Variants in KRT78 observed in about 807,000 individuals in gnomAD.
KRT78 encodes keratin 78, also known as keratin, type II cytoskeletal 78.
In KRT78, 55 loss-of-function variants were observed where a neutral mutation model predicts 51.4. That is an observed-to-expected ratio of 1.07 (90% CI 0.86 to 1.34). The LOEUF (loss-of-function observed/expected upper bound fraction) is 1.34, where lower values mean the gene tolerates loss of function less well. Among genes scored for constraint, KRT78 ranks in the 40% most tolerant of loss-of-function variants. The pLI is 0.00. For synonymous variants in KRT78, 291 were observed against 264.3 expected (o/e 1.10, Z -0.98); for missense variants, 652 against 649.4 (o/e 1.00, Z -0.04).
rs751419322 is a variant in KRT78, at chr12:52,846,812, C to T, written c.612G>A (p.Glu204=). The T allele has an allele frequency of 2.5e-6, 4 of 1,613,492 alleles. No homozygotes were observed. The South Asian group carries it at 3.3e-5, about 13-fold the overall frequency. Residue 204 remains glutamate (E), a synonymous_variant, in exon 3 of 9, where the codon GAG becomes GAA. Coordinates refer to ENST00000304620, the MANE Select transcript of KRT78 (RefSeq NM_173352.4). Reference sequence around the variant, plus strand: ...TCTCAAGTGTGGCACGCCTGTGGGCCTCCTCCTCATACCTGCCAAATAAGT... The same window carrying T: ...TCTCAAGTGTGGCACGCCTGTGGGCTTCCTCCTCATACCTGCCAAATAAGT... The part of the protein sequence containing the change: ...EEEYKSKYEE[E]AHRRATLEND...
In KRT78 at chr12:52,839,905, T is replaced by C. The variant is rs1397474665; in HGVS notation, c.1127A>G (p.Asp376Gly). The C allele has an allele frequency of 3.8e-5, 61 of 1,613,948 alleles. No homozygotes were observed. The East Asian group carries it at 1.3e-3, about 35-fold the overall frequency. ...CATCCTCAGAGCAGCCTCCAGCTCG[T>C]CCACCTTGGCCTGAGCGTCCTTGAG... ...LALKDAQAKV[D>G]ELEAALRMAK... The change falls in exon 7 of 9, where the codon GAC becomes GGC. Residue 376 changes from aspartate to glycine, a missense_variant. Physicochemically the swap from Asp to Gly is moderately conservative, Grantham distance 94 (BLOSUM62 -1). Transcript: ENST00000304620.
intron 6 of KRT78, among the ~76,000 whole-genome samples, chr12:52,842,080 T>G (rs769007897): frequency 6.6e-6 from 1 of 152,176 alleles, no homozygotes; most frequent in Admixed American, 6.5e-5. Context: ...TGGTGAAACA[T>G]AGTGGCAGCA....
chr12:52,844,658 G>A lies in KRT78; in HGVS notation c.822C>T (p.Arg274=). Residue 274 remains arginine, a synonymous_variant, in exon 5 of 9, where the codon CGC becomes CGT. Coordinates refer to ENST00000304620, the MANE Select transcript of KRT78 (RefSeq NM_173352.4). The part of the protein sequence containing the change: ...TSVVLSMDNN[R]YLDFSSIITE... Reference sequence around the variant, plus strand: ...TGATGATGCTGCTGAAGTCCAGGTAGCGGTTGTTGTCCATGGACAGCACCA... The same window carrying A: ...TGATGATGCTGCTGAAGTCCAGGTAACGGTTGTTGTCCATGGACAGCACCA... The A allele has an allele frequency of 6.2e-7, 1 of 1,614,184 alleles. No individual in the cohort carries two copies. Among genetic ancestry groups the A allele is most frequent in the Non-Finnish European group, 8.5e-7 (1 of 1,180,018 alleles).
rs1347464167 is a variant in KRT78, at chr12:52,848,651, T to C, written c.280A>G (p.Thr94Ala). Residue 94 changes from threonine to alanine, a missense_variant, in exon 1 of 9, where the codon ACC becomes GCC. Transcript: ENST00000304620. ...GGATCGATCTCAATCTTCAGTGGGG[T>C]CAGCAGATTCTGGTTGATGGTCACT... ...QEVTINQNLL[T>A]PLKIEIDPQF... The C allele has an allele frequency of 2.5e-6, 4 of 1,613,564 alleles. No individual in the cohort carries two copies. Among genetic ancestry groups the C allele is most frequent in the Non-Finnish European group, 2.5e-6 (3 of 1,179,904 alleles).
chr12:52,840,129 C>T lies in KRT78; in HGVS notation c.1048-145G>A, dbSNP rs549496657. 1.8e-5 allele frequency: 11 copies of T among 618,922 alleles called. No individual in the cohort carries two copies. In the East Asian group the frequency reaches 3.0e-4, roughly 17 times the overall value. The allele number at this position is 618,922 out of a possible 1,614,324, so 38.3% of individuals were successfully genotyped here. On this transcript the variant is annotated intron_variant, in intron 6 of 8. Transcript: ENST00000304620. The stretch of plus-strand genomic sequence containing the variant: ...TATCCATGGCCGTCTGTACCAACAC[C>T]ACCCCTGCAACAGGCTCCTCTCATT...
rs1370844263 is a variant in KRT78, at chr12:52,838,015, G to T, written c.*1098C>A. Reference sequence around the variant, plus strand: ...CTGGGATTCAAGCCACATCCTCACCGGCTCTGGTCTCCTTCACACAAAGCT... The same window carrying T: ...CTGGGATTCAAGCCACATCCTCACCTGCTCTGGTCTCCTTCACACAAAGCT... On this transcript the variant is annotated 3_prime_UTR_variant, in exon 9 of 9. Coordinates refer to ENST00000304620, the MANE Select transcript of KRT78 (RefSeq NM_173352.4). 1 of 152,120 alleles carries T rather than the reference G, an allele frequency of 6.6e-6. No homozygotes were observed. Among genetic ancestry groups the T allele is most frequent in the Non-Finnish European group, 1.5e-5 (1 of 68,026 alleles). The allele number at this position is 152,120 out of a possible 1,614,324, so 9.4% of individuals were successfully genotyped here.
chr12:52,844,056 G>A, intron 6 of KRT78, 37 bp downstream of exon 6: 1 of 1,609,350 alleles, frequency 6.2e-7, no homozygotes, highest in Non-Finnish European at 8.5e-7. Context: ...AGGCACAAAG[G>A]CAATGAGAGG....
At chr12:52,839,395 A>G in intron 8 of KRT78, 23 bp from the exon 9 acceptor site, 1 of 1,612,574 alleles carries the variant, frequency 6.2e-7, no homozygotes, top group African/African-American at 1.3e-5. Flanking sequence ...GCACCGGGTC[A>G]GAGCAGGGTC....
At position 52,838,719 on chromosome 12, in the gene KRT78, G is replaced by A. The variant is rs2120375509; in HGVS notation, c.*394C>T. The A allele has an allele frequency of 4.4e-6, 1 of 227,636 alleles. No individual in the cohort carries two copies. 14.1% of individuals were successfully genotyped at this position (227,636 alleles called of 1,614,324 possible). ...GAACCTCTTAAAACAGGCAGTTGAT[G>A]AGGAAGTGAGCTACAAGCACAGCTA... On this transcript the variant is annotated 3_prime_UTR_variant, in exon 9 of 9. Transcript: ENST00000304620.
intron 6 of KRT78, among the ~76,000 whole-genome samples, chr12:52,841,344 G>A (rs553707775): frequency 3.9e-5 from 6 of 151,952 alleles, no homozygotes; most frequent in South Asian, 2.1e-4. Flanking sequence ...AAAATTAGCC[G>A]GGCATGGTGG....
At chr12:52,848,434 G>A (rs1940698571) in intron 1 of KRT78, 113 bp downstream of exon 1, 1 of 1,496,334 alleles carries the variant, frequency 6.7e-7, no homozygotes, top group Admixed American at 2.1e-5. Flanking sequence ...CTTTGCTGCA[G>A]AAGTTATTAG....
intron 1 of KRT78, 181 bp downstream of exon 1, chr12:52,848,366 G>A (rs1592147821): frequency 7.1e-7 from 1 of 1,406,974 alleles, no homozygotes; most frequent in East Asian, 2.5e-5. Context: ...CCCCAATCAT[G>A]GAACAACAGG....
intron 6 of KRT78, among the ~76,000 whole-genome samples, chr12:52,841,348 A>T (rs572336509): frequency 1.3e-5 from 2 of 151,886 alleles, no homozygotes; most frequent in East Asian, 3.9e-4. Context: ...TTAGCCGGGC[A>T]TGGTGGCACA....
intron 4 of KRT78, 127 bp from the exon 5 acceptor site, chr12:52,844,850 T>C: frequency 1.2e-6 from 1 of 823,062 alleles, no homozygotes; most frequent in Non-Finnish European, 1.9e-6. Flanking sequence ...CAGGTGGCTT[T>C]GAGTATGCCC....
chr12:52,844,247 A>T, intron 5 of KRT78, 29 bp from the exon 6 acceptor site: 1 of 1,561,838 alleles, frequency 6.4e-7, no homozygotes, highest in African/African-American at 1.4e-5. Flanking sequence ...GGACACCATT[A>T]GTTGAGAGGA....
intron 4 of KRT78, 146 bp from the exon 5 acceptor site, chr12:52,844,869 A>C: frequency 1.6e-6 from 1 of 631,680 alleles, no homozygotes; most frequent in South Asian, 2.3e-5. Flanking sequence ...CCTGCTCACC[A>C]TGGGACTCGA....
chr12:52,844,093 C>T lies in KRT78; in HGVS notation c.1047G>A (p.Gln349=). Residue 349 remains glutamine, a splice_region_variant and synonymous_variant, in exon 6 of 9, where the codon CAG becomes CAA. Coordinates refer to ENST00000304620, the MANE Select transcript of KRT78 (RefSeq NM_173352.4). ...CATTTGGGGGTCTCTGGGAATCTACCTGCTTCTTGAGGTTCTCAGTCTGAC... is the reference window on the plus strand; with the variant it reads ...CATTTGGGGGTCTCTGGGAATCTACTTGCTTCTTGAGGTTCTCAGTCTGAC... ...LQSQTENLKK[Q]NASLQAAITD... 1 of 1,612,556 alleles carries T rather than the reference C, an allele frequency of 6.2e-7. No homozygotes were observed. The highest frequency in any genetic ancestry group is 2.2e-5 in the East Asian group (1 of 44,820).
intron 6 of KRT78, among the ~76,000 whole-genome samples, chr12:52,843,045 G>C (rs1168086986): frequency 2.6e-5 from 3 of 117,406 alleles, no homozygotes; most frequent in Admixed American, 2.3e-4. Context: ...AGGGAGGGAG[G>C]GAAGGGAGGA....
Position 52,847,996 on chromosome 12 carries a change from C to T in KRT78, c.510G>A (p.Arg170=), listed in dbSNP as rs779932386. The change falls in exon 2 of 9, where the codon AGG becomes AGA. Residue 170 remains arginine, a synonymous_variant. Transcript: ENST00000304620. ...CTCCCTGGAGCTGCTCCAGCTGCTT[C>T]CTGAGCTGATCCAGGCAGGCCTCAA... The part of the protein sequence containing the change: ...PVFEACLDQL[R]KQLEQLQGER... 6.1e-5 allele frequency: 99 copies of T among 1,614,124 alleles called. No individual in the cohort carries two copies. The Middle Eastern group carries it at 8.2e-4, about 13-fold the overall frequency.
Sources: allele counts gnomAD v4.1 joint callset (sites outside exome capture counted in the v4.1 genomes callset), GRCh38; gene constraint gnomAD v4.1.1; transcripts MANE v1.5; gene names NCBI Gene and HGNC (gene_info 2026-07-23, HGNC 2026-07-21).